The following RB1CC1 variants were observed in gnomAD, a reference collection of about 807,000 sequenced individuals.
The protein encoded by RB1CC1 is RB1-inducible coiled-coil protein 1.
A neutral mutation model predicts 177.5 loss-of-function variants in RB1CC1; 46 were observed. That is an observed-to-expected ratio of 0.26 (90% CI 0.20 to 0.33). The LOEUF (loss-of-function observed/expected upper bound fraction) is 0.33. RB1CC1 is among the 10% of genes least tolerant of loss of function. The pLI is 1.00. For synonymous variants in RB1CC1, 666 were observed against 613.6 expected (o/e 1.09, Z -1.26); for missense variants, 1,703 against 1,816.3 (o/e 0.94, Z 1.13).
intron 18 of RB1CC1, among the ~76,000 whole-genome samples, chr8:52,639,021 T>C (rs1849364223): frequency 6.6e-6 from 1 of 152,142 alleles, no homozygotes; most frequent in African/African-American, 2.4e-5. Flanking sequence ...CTCTACTCTC[T>C]GATCTTTATT....
At position 52,658,927 on chromosome 8, in the gene RB1CC1, T is replaced by G. The variant is rs144093562; in HGVS notation, c.1739A>C (p.Lys580Thr). The change falls in exon 13 of 24, where the codon AAA (lysine) becomes ACA (threonine). Residue 580 changes from lysine to threonine, a missense_variant. This residue lies in a region of RB1CC1 where 1,169 missense variants were observed against 1,184.7 expected (regional missense o/e 0.99). Transcript: ENST00000025008. ...AAATGATTGCAGAAACTGTAAATCT[T>G]TTAATGAAATATCTGGAAGTTCACA... ...FDCELPDISL[K>T]DLQFLQSFCP... 12 of 1,589,636 alleles carry G rather than the reference T, an allele frequency of 7.5e-6. No homozygotes were observed. In the African/African-American group the frequency reaches 1.5e-4, roughly 20 times the overall value.
At chr8:52,658,683 T>C (rs967924391) in intron 13 of RB1CC1, among the ~76,000 whole-genome samples, 190 bp downstream of exon 13, 1 of 152,110 alleles carries the variant, frequency 6.6e-6, no homozygotes, top group African/African-American at 2.4e-5. Flanking sequence ...TGTCTTCCTT[T>C]ACTTTACCTT....
chr8:52,664,407 T>C (rs1382947427), intron 8 of RB1CC1, among the ~76,000 whole-genome samples: 1 of 152,148 alleles, frequency 6.6e-6, no homozygotes, highest in Non-Finnish European at 1.5e-5. Flanking sequence ...TATTTAATTG[T>C]CTCGAAATGT....
rs1318161185 is a variant in RB1CC1, at chr8:52,661,139, C to T, written c.1501G>A (p.Val501Ile). Reference sequence around the variant, plus strand: ...AACATTTTTCTTCTTACAACCTCAACAACAGCTAAGCAGTACATCTGAGGA... The same window carrying T: ...AACATTTTTCTTCTTACAACCTCAATAACAGCTAAGCAGTACATCTGAGGA... The part of the protein sequence containing the change: ...TVPQMYCLAV[V>I]EVVRRKMFIK... Residue 501 changes from valine to isoleucine, a missense_variant, in exon 10 of 24, where the codon GTT (valine) becomes ATT (isoleucine). By Grantham distance (29) the Val-to-Ile change is conservative. Around this residue, in one of 6 missense-constraint regions of RB1CC1, gnomAD observed 1,169 missense variants for 1,184.7 expected, o/e 0.99. Transcript: ENST00000025008. 6.2e-7 allele frequency: 1 copy of T among 1,613,660 alleles called. No individual in the cohort carries two copies. The highest frequency in any genetic ancestry group is 1.1e-5 in the South Asian group (1 of 91,030).
At chr8:52,640,789 ACT>A (rs1331441427) in intron 18 of RB1CC1, among the ~76,000 whole-genome samples, 1 of 152,104 alleles carries the variant, frequency 6.6e-6, no homozygotes, top group African/African-American at 2.4e-5. Context: ...TTTTTGAATT[ACT>A]TTTTTTGTTC....
At chr8:52,676,959 C>A (rs1054285292) in intron 5 of RB1CC1, among the ~76,000 whole-genome samples, 1 of 152,176 alleles carries the variant, frequency 6.6e-6, no homozygotes, top group East Asian at 1.9e-4. Flanking sequence ...ACGTCATCTA[C>A]TTCTAGATTA....
intron 8 of RB1CC1, among the ~76,000 whole-genome samples, chr8:52,662,358 T>G (rs1014615983): frequency 6.6e-6 from 1 of 152,066 alleles, no homozygotes; most frequent in Non-Finnish European, 1.5e-5. Context: ...GTGAACGGTG[T>G]ATCTGTCAAG....
At chr8:52,624,169 A>G (rs1169818927) in intron 23 of RB1CC1, among the ~76,000 whole-genome samples, 2 of 151,922 alleles carry the variant, frequency 1.3e-5, no homozygotes, top group Non-Finnish European at 2.9e-5. Flanking sequence ...TGTTTTAAGT[A>G]TCAAAGAAAC....
intron 5 of RB1CC1, 36 bp downstream of exon 5, chr8:52,683,513 A>G (rs1359507841): frequency 2.7e-6 from 4 of 1,496,088 alleles, no homozygotes; most frequent in Non-Finnish European, 3.6e-6. Flanking sequence ...GAATGCTTTT[A>G]GAAACAATCA....
Position 52,624,709 on chromosome 8 carries a change from G to A in RB1CC1, c.4707+8C>T, listed in dbSNP as rs748732236. ...CCCAGGCTTAGTATCACATGATGTC[G>A]TTTTTACCTTTTTGGCTTGACAGTA... On this transcript the variant is annotated splice_region_variant and intron_variant, in intron 23 of 23. Transcript: ENST00000025008. The A allele has an allele frequency of 1.2e-5, 19 of 1,576,822 alleles. No individual in the cohort carries two copies. The Admixed American group carries it at 1.9e-4, about 15-fold the overall frequency.
intron 20 of RB1CC1, among the ~76,000 whole-genome samples, chr8:52,633,664 A>G (rs1477681934): frequency 6.6e-6 from 1 of 152,224 alleles, no homozygotes; most frequent in African/African-American, 2.4e-5. Flanking sequence ...TGTTCCTACT[A>G]CCTTGTAAAC....
chr8:52,666,667 T>C (rs933136364), intron 8 of RB1CC1, among the ~76,000 whole-genome samples: 1 of 152,128 alleles, frequency 6.6e-6, no homozygotes, highest in African/African-American at 2.4e-5. Context: ...ACTAAATATT[T>C]GGGTAGAGAA....
intron 5 of RB1CC1, among the ~76,000 whole-genome samples, chr8:52,681,090 C>G (rs1853674685): frequency 6.7e-6 from 1 of 150,028 alleles, no homozygotes; most frequent in South Asian, 2.1e-4. Context: ...CTCCTGGGTT[C>G]AAGCAATTCT....
chr8:52,633,531 T>A (rs1029384232), intron 20 of RB1CC1, among the ~76,000 whole-genome samples: 7 of 152,194 alleles, frequency 4.6e-5, no homozygotes, highest in Non-Finnish European at 4.4e-5. Context: ...ATTTTTGCTG[T>A]TCAAGTTAAG....
chr8:52,640,133 A>G (rs1849446539), intron 18 of RB1CC1, among the ~76,000 whole-genome samples: 2 of 152,166 alleles, frequency 1.3e-5, no homozygotes, highest in South Asian at 4.1e-4. Context: ...TTGGTTCTGA[A>G]TAACTCAATT....
Position 52,642,449 on chromosome 8 carries a change from A to C in RB1CC1, c.4239T>G (p.Cys1413Trp). The C allele has an allele frequency of 6.2e-7, 1 of 1,614,128 alleles. No homozygotes were observed. Among genetic ancestry groups the C allele is most frequent in the Non-Finnish European group, 8.5e-7 (1 of 1,179,986 alleles). ...CTGATTCACCTGGGAGTTCAGGTGC[A>C]CAAGCTCCATAAAGTTCTGGGGCTG... is the stretch of plus-strand genomic sequence containing the variant. ...VATAPELYGA[C>W]APELPGESDR... The change falls in exon 18 of 24, where the codon TGT becomes TGG. Residue 1413 changes from cysteine to tryptophan, a missense_variant. Cys to Trp is a radical substitution (Grantham distance 215). Coordinates refer to ENST00000025008, the MANE Select transcript of RB1CC1 (RefSeq NM_014781.5).
At chr8:52,654,501 TG>T (rs1401483625) in intron 15 of RB1CC1, among the ~76,000 whole-genome samples, 1 of 152,234 alleles carries the variant, frequency 6.6e-6, no homozygotes, top group Non-Finnish European at 1.5e-5. Flanking sequence ...TGAGTCAGAC[TG>T]GTGCTTTGAA....
At chr8:52,688,034 T>C (rs2150617977) in intron 1 of RB1CC1, among the ~76,000 whole-genome samples, 1 of 152,370 alleles carries the variant, frequency 6.6e-6, no homozygotes, top group Admixed American at 6.5e-5. Context: ...TAATTTCTTA[T>C]GCCTGTCTTT....
chr8:52,697,462 C>T (rs1246177616), intron 1 of RB1CC1, among the ~76,000 whole-genome samples: 1 of 152,008 alleles, frequency 6.6e-6, no homozygotes, highest in Non-Finnish European at 1.5e-5. Context: ...GACAGGGTAT[C>T]GGATTATACT....
Sources: gnomAD v4.1 joint callset for allele counts (sites outside exome capture counted in the v4.1 genomes callset) on GRCh38, gnomAD v4.1.1 for gene constraint, gnomAD v4.1.1 regional missense constraint, MANE v1.5 for transcripts, NCBI Gene and HGNC (gene_info 2026-07-23, HGNC 2026-07-21) for gene names.